The following LHX8 variants were observed in gnomAD, a reference collection of about 807,000 sequenced individuals.
The protein encoded by LHX8 is LIM/homeobox protein Lhx8.
In LHX8, 12 loss-of-function variants were observed where a neutral mutation model predicts 40.3. That is an observed-to-expected ratio of 0.30 (90% CI 0.19 to 0.48). The LOEUF is 0.48. LHX8 is among the 20% of genes least tolerant of loss of function. The pLI, the probability that LHX8 is intolerant of heterozygous loss-of-function variation, is 0.99. For synonymous variants in LHX8, 179 were observed against 162.0 expected (o/e 1.10, Z -0.80); for missense variants, 344 against 433.7 (o/e 0.79, Z 1.84).
At chr1:75,154,649 T>C (rs190265410) in intron 7 of LHX8, among the ~76,000 whole-genome samples, 37 of 152,180 alleles carry the variant, frequency 2.4e-4, no homozygotes, top group African/African-American at 8.4e-4. Context: ...GTGAGACTAG[T>C]GTTAGTAGTG....
the LHX8 span, among the ~76,000 whole-genome samples, chr1:75,190,936 T>C: frequency 6.6e-6 from 1 of 152,142 alleles, no homozygotes; most frequent in Non-Finnish European, 1.5e-5. Context: ...AAGATTATGG[T>C]GATAGTTACA....
chr1:75,165,883 G>T (rs183625131), downstream of LHX8, among the ~76,000 whole-genome samples: 304 of 152,256 alleles, frequency 2.0e-3, no homozygotes, highest in African/African-American at 7.0e-3. Context: ...GCATGGAATG[G>T]GAGACAGCTG....
downstream of LHX8, among the ~76,000 whole-genome samples, chr1:75,162,721 A>G (rs969898536): frequency 6.6e-6 from 1 of 152,198 alleles, no homozygotes; most frequent in Non-Finnish European, 1.5e-5. Flanking sequence ...TCATGAAAAG[A>G]GATAGATGTG....
chr1:75,162,202 C>T (rs535293704), downstream of LHX8, among the ~76,000 whole-genome samples: 1 of 151,742 alleles, frequency 6.6e-6, no homozygotes, highest in Non-Finnish European at 1.5e-5. Flanking sequence ...AACTTATCTG[C>T]CTGAAACCAG....
the LHX8 span, among the ~76,000 whole-genome samples, chr1:75,173,276 C>G: frequency 6.6e-6 from 1 of 151,968 alleles, no homozygotes; most frequent in Non-Finnish European, 1.5e-5. Context: ...ATTACCATCC[C>G]TATTTCATGT....
chr1:75,136,841 A>C lies in LHX8; in HGVS notation c.75+152A>C, dbSNP rs952237641. ...GCGGAGAGGGTCTGGGTGGGGTGGG[A>C]AGCTTAGCTGGCCCGCGAGGAGGGC... On this transcript the variant is annotated intron_variant, in intron 2 of 8. Transcript: ENST00000356261. 5.7e-6 allele frequency: 4 copies of C among 704,440 alleles called. No homozygotes were observed. In the African/African-American group the frequency reaches 7.1e-5, roughly 13 times the overall value. 43.6% of individuals were successfully genotyped at this position (704,440 alleles called of 1,614,324 possible). A position where few individuals can be genotyped will look rare whatever the true frequency, so the allele number is the denominator to read the frequency against.
chr1:75,151,888 T>C (rs1358206464), intron 7 of LHX8, among the ~76,000 whole-genome samples: 2 of 152,226 alleles, frequency 1.3e-5, no homozygotes, highest in Non-Finnish European at 2.9e-5. Context: ...TTTAGGTTAC[T>C]AGTACTATGA....
the LHX8 span, among the ~76,000 whole-genome samples, chr1:75,197,642 G>T: frequency 8.2e-3 from 1,245 of 152,142 alleles, 10 homozygotes; most frequent in Non-Finnish European, 0.011. Flanking sequence ...TTTAAACATG[G>T]TTTTTTCTTT....
intron 7 of LHX8, among the ~76,000 whole-genome samples, chr1:75,149,963 C>G: frequency 6.6e-6 from 1 of 152,174 alleles, no homozygotes; most frequent in Non-Finnish European, 1.5e-5. Flanking sequence ...ATGACTCTGC[C>G]AGGCTCAGTT....
At chr1:75,193,870 C>T in the LHX8 span, among the ~76,000 whole-genome samples, 1 of 152,236 alleles carries the variant, frequency 6.6e-6, no homozygotes, top group Non-Finnish European at 1.5e-5. Flanking sequence ...ACTTAGTCCA[C>T]AAACCATGTC....
At chr1:75,156,028 AAG>A (rs935492501) in intron 7 of LHX8, among the ~76,000 whole-genome samples, 6 of 151,748 alleles carry the variant, frequency 4.0e-5, no homozygotes, top group African/African-American at 1.4e-4. Flanking sequence ...TTCTGATTAA[AAG>A]AGCTTTTTCT....
intron 3 of LHX8, among the ~76,000 whole-genome samples, chr1:75,138,057 A>G (rs1648204354): frequency 6.6e-6 from 1 of 152,150 alleles, no homozygotes; most frequent in African/African-American, 2.4e-5. Context: ...GATTGTCTTA[A>G]TTTGTTTTAC....
intron 6 of LHX8, among the ~76,000 whole-genome samples, chr1:75,147,953 A>G (rs1648505827): frequency 6.6e-6 from 1 of 152,236 alleles, no homozygotes; most frequent in African/African-American, 2.4e-5. Context: ...AGCACTTGGC[A>G]TAGTGGTTTC....
downstream of LHX8, among the ~76,000 whole-genome samples, chr1:75,162,975 CTT>C (rs1286130098): frequency 6.7e-6 from 1 of 149,326 alleles, no homozygotes; most frequent in African/African-American, 2.5e-5. Context: ...GTAGTTATCT[CTT>C]AGGTGTGAAG....
chr1:75,181,591 G>A, the LHX8 span, among the ~76,000 whole-genome samples: 7,718 of 152,158 alleles, frequency 0.051, 211 homozygotes, highest in Middle Eastern at 0.095. Flanking sequence ...CAATTTTCCC[G>A]GTACAGTCTG....
Position 75,143,253 on chromosome 1 carries a change from G to T in LHX8, c.495G>T (p.Glu165Asp), listed in dbSNP as rs766574879. The T allele has an allele frequency of 1.2e-6, 2 of 1,613,850 alleles. No homozygotes were observed. Among genetic ancestry groups the T allele is most frequent in the Non-Finnish European group, 1.7e-6 (2 of 1,179,798 alleles). ...GCAAAAGGCAACTTTCCACAGGAGA[G>T]GAGTTTGCTTTGGTGGAAGAGAAAG... ...FSCKRQLSTGEEFALVEEKVL... is the reference protein window; with the variant it reads ...FSCKRQLSTGDEFALVEEKVL... Residue 165 changes from glutamate (E) to aspartate (D), a missense_variant, in exon 5 of 9, where the codon GAG (glutamate) becomes GAT (aspartate). Physicochemically the swap from Glu to Asp is conservative, Grantham distance 45 (BLOSUM62 2). This residue lies in a region of LHX8 where 147 missense variants were observed against 250.8 expected (regional missense o/e 0.59). Coordinates refer to ENST00000356261, the MANE Select transcript of LHX8 (RefSeq NM_001256114.2).
At chr1:75,156,466 C>T (rs1648771144) in intron 7 of LHX8, among the ~76,000 whole-genome samples, 1 of 151,776 alleles carries the variant, frequency 6.6e-6, no homozygotes. Context: ...GGTATTGAAC[C>T]CCTCACCTCA....
At chr1:75,196,561 A>G in the LHX8 span, among the ~76,000 whole-genome samples, 1 of 152,210 alleles carries the variant, frequency 6.6e-6, no homozygotes, top group South Asian at 2.1e-4. Flanking sequence ...CTCCCAAAAC[A>G]CTGTATTATA....
At position 75,143,966 on chromosome 1, in the gene LHX8, T is replaced by A. The variant is rs775836185; in HGVS notation, c.684+18T>A. Reference sequence around the variant, plus strand: ...AGCTTCAGGTAAGCATAACAATGAATTTTTTATTTTTGAAGCCCCTCCCAA... The same window carrying A: ...AGCTTCAGGTAAGCATAACAATGAAATTTTTATTTTTGAAGCCCCTCCCAA... On this transcript the variant is annotated intron_variant, in intron 6 of 8. Transcript: ENST00000356261. 1.2e-6 allele frequency: 2 copies of A among 1,604,470 alleles called. No individual in the cohort carries two copies. Among genetic ancestry groups the A allele is most frequent in the Admixed American group, 3.3e-5 (2 of 59,720 alleles).
Sources: allele counts gnomAD v4.1 joint callset (sites outside exome capture counted in the v4.1 genomes callset), GRCh38; gene constraint gnomAD v4.1.1; regional missense constraint gnomAD v4.1.1; transcripts MANE v1.5; gene names NCBI Gene and HGNC (gene_info 2026-07-23, HGNC 2026-07-21).